The following CASS4 variants were observed in gnomAD, a reference collection of about 807,000 sequenced individuals.
The protein encoded by CASS4 is cas scaffolding protein family member 4.
A neutral mutation model predicts 54.2 loss-of-function variants in CASS4; 22 were observed. The observed-to-expected ratio is 0.41, with a 90% CI of 0.29 to 0.58. CASS4 has a LOEUF of 0.58. CASS4 is among the 20% of genes least tolerant of loss of function. The pLI is 0.36. For missense variants in CASS4, 854 were observed against 986.7 expected (o/e 0.87, Z 1.80); for synonymous variants, 409 against 391.5 (o/e 1.04, Z -0.53).
chr20:56,433,954 G>A (rs765303181), intron 1 of CASS4, among the ~76,000 whole-genome samples: 14 of 152,192 alleles, frequency 9.2e-5, no homozygotes, highest in African/African-American at 2.9e-4. Context: ...TTCCCTCAGC[G>A]GCATGAGGGC....
Position 56,437,083 on chromosome 20 carries a change from T to A in CASS4, c.37-81T>A, listed in dbSNP as rs187682754. 8.1e-7 allele frequency: 1 copy of A among 1,234,590 alleles called. No individual in the cohort carries two copies. Among genetic ancestry groups the A allele is most frequent in the East Asian group, 2.5e-5 (1 of 40,588 alleles). The allele number at this position is 1,234,590 out of a possible 1,614,324, so 76.5% of individuals were successfully genotyped here. A position where few individuals can be genotyped will look rare whatever the true frequency, so the allele number is the denominator to read the frequency against. ...AGGGCATGATGAATTTGTATGAAGC[T>A]TTCTAAGAGAGTGGGATTGGAGTAG... On this transcript the variant is annotated intron_variant, in intron 1 of 5. Coordinates refer to ENST00000679887, the MANE Select transcript of CASS4 (RefSeq NM_020356.4). This position sits in a 1 kb window ranked among gnomAD's most constrained non-coding sequence, Gnocchi z 4.7.
chr20:56,421,466 G>T (rs1979406646), intron 1 of CASS4, among the ~76,000 whole-genome samples: 2 of 152,222 alleles, frequency 1.3e-5, no homozygotes, highest in Non-Finnish European at 2.9e-5. Context: ...GGAGGCTGCA[G>T]TGGGAGGATC....
intron 4 of CASS4, 79 bp downstream of exon 4, chr20:56,450,758 G>T (rs967722569): frequency 2.2e-6 from 3 of 1,369,034 alleles, no homozygotes; most frequent in Non-Finnish European, 2.1e-6. Context: ...TTGGGGCCAG[G>T]CACGGTGGCT....
chr20:56,416,131 C>T (rs1400108835), intron 1 of CASS4, among the ~76,000 whole-genome samples: 1 of 152,174 alleles, frequency 6.6e-6, no homozygotes, highest in Non-Finnish European at 1.5e-5. Context: ...CTCACTGCAA[C>T]CTCCACCTCC....
Position 56,458,520 on chromosome 20 carries a change from G to A in CASS4, c.2134G>A (p.Val712Met), listed in dbSNP as rs1203581333. ...IITQSKLVIM[V>M]GQKLVDTLCM... ...CACTCAGAGCAAGCTGGTCATCATG[G>A]TGGGACAGAAGCTGGTGGACACGCT... Residue 712 changes from valine (V) to methionine (M), a missense_variant, in exon 6 of 6, where the codon GTG becomes ATG. Val to Met is a conservative substitution (Grantham distance 21). Transcript: ENST00000679887. 7 of 1,614,098 alleles carry A rather than the reference G, an allele frequency of 4.3e-6. No individual in the cohort carries two copies. The African/African-American group carries it at 8.0e-5, about 18-fold the overall frequency.
At chr20:56,431,231 T>C (rs1401282885) in intron 1 of CASS4, among the ~76,000 whole-genome samples, 2 of 152,228 alleles carry the variant, frequency 1.3e-5, no homozygotes, top group East Asian at 3.8e-4. Flanking sequence ...ATGACTTCAG[T>C]GCATCCAACA....
intron 3 of CASS4, 109 bp downstream of exon 3, chr20:56,446,110 C>T (rs1316887470): frequency 1.4e-6 from 1 of 703,484 alleles, no homozygotes; most frequent in Non-Finnish European, 2.4e-6. Context: ...CGGCCAGGGG[C>T]TCAGCCTCCA....
At chr20:56,416,239 G>A (rs925297444) in intron 1 of CASS4, among the ~76,000 whole-genome samples, 2 of 152,090 alleles carry the variant, frequency 1.3e-5, no homozygotes, top group Non-Finnish European at 2.9e-5. Context: ...TAGTAGAGAC[G>A]GGTTTTCACC....
chr20:56,452,687 C>T lies in CASS4; in HGVS notation c.1511C>T (p.Ala504Val). The T allele has an allele frequency of 6.2e-7, 1 of 1,614,138 alleles. No individual in the cohort carries two copies. The highest frequency in any genetic ancestry group is 8.5e-7 in the Non-Finnish European group (1 of 1,180,024). ...LDFARGVHGTACNLTDSNLQN... is the reference protein window; with the variant it reads ...LDFARGVHGTVCNLTDSNLQN... The stretch of plus-strand genomic sequence containing the variant: ...TTTGCCCGAGGAGTCCATGGGACTG[C>T]CTGTAACCTCACTGACAGTAACCTT... Residue 504 changes from alanine to valine, a missense_variant, in exon 5 of 6, where the codon GCC becomes GTC. Physicochemically the swap from Ala to Val is moderately conservative, Grantham distance 64 (BLOSUM62 0). Coordinates refer to ENST00000679887, the MANE Select transcript of CASS4 (RefSeq NM_020356.4).
At position 56,414,580 on chromosome 20, in the gene CASS4, A is replaced by G. The variant is rs572878016; in HGVS notation, c.36+2086A>G. On this transcript the variant is annotated intron_variant, in intron 1 of 5. Coordinates refer to ENST00000679887, the MANE Select transcript of CASS4 (RefSeq NM_020356.4). This position sits in a 1 kb window ranked among gnomAD's most constrained non-coding sequence, Gnocchi z 4.1. ...GTGCACACCACCGAGCCCCACTGCA[A>G]TTTGTAAATAACATGCATGTTTGCA... Among the ~76,000 whole-genome samples, 2 of 152,240 alleles carry G rather than the reference A, an allele frequency of 1.3e-5. No individual in the cohort carries two copies. The highest frequency in any genetic ancestry group is 3.9e-4 in the East Asian group (2 of 5,188).
In CASS4 at chr20:56,458,310, CCTAT is replaced by C. The variant is rs74932500; in HGVS notation, c.1954-25_1954-22del. The stretch of plus-strand genomic sequence containing the variant: ...CAGCCACAGCCCATTGATTGAATCT[CCTAT>C]CTATTTTCTTCCTTCCCTTCTTTAG... On this transcript the variant is annotated intron_variant, in intron 5 of 5. Transcript: ENST00000679887. 6.9e-4 allele frequency: 1,090 copies of C among 1,584,648 alleles called. 3 individuals carry two copies. The highest frequency in any genetic ancestry group is 3.9e-3 in the Middle Eastern group (23 of 5,958).
At chr20:56,441,098 C>G (rs1980434189) in intron 2 of CASS4, among the ~76,000 whole-genome samples, 1 of 151,112 alleles carries the variant, frequency 6.6e-6, no homozygotes, top group Non-Finnish European at 1.5e-5. Context: ...AAGAGATTCT[C>G]CTGCCTCAGC....
In CASS4 at chr20:56,437,095, T is replaced by G; in HGVS notation, c.37-69T>G. ...ATTTGTATGAAGCTTTCTAAGAGAG[T>G]GGGATTGGAGTAGCAGTCACTGGCC... On this transcript the variant is annotated intron_variant, in intron 1 of 5. Coordinates refer to ENST00000679887, the MANE Select transcript of CASS4 (RefSeq NM_020356.4). This position sits in a 1 kb window ranked among gnomAD's most constrained non-coding sequence, Gnocchi z 4.7. 1 of 1,301,142 alleles carries G rather than the reference T, an allele frequency of 7.7e-7. No individual in the cohort carries two copies. The highest frequency in any genetic ancestry group is 1.5e-5 in the South Asian group (1 of 67,798). 80.6% of individuals were successfully genotyped at this position (1,301,142 alleles called of 1,614,324 possible). A position where few individuals can be genotyped will look rare whatever the true frequency, so the allele number is the denominator to read the frequency against.
intron 1 of CASS4, among the ~76,000 whole-genome samples, chr20:56,416,528 CGTGTGTGTGTGT>C (rs3219626): frequency 2.7e-5 from 4 of 149,098 alleles, no homozygotes; most frequent in Non-Finnish European, 6.0e-5. Context: ...TGTTTACTTC[CGTGTGTGTGTGT>C]GTGTGTGTGT....
chr20:56,449,448 G>A (rs1220988421), intron 3 of CASS4, among the ~76,000 whole-genome samples: 2 of 151,952 alleles, frequency 1.3e-5, no homozygotes, highest in African/African-American at 4.8e-5. Context: ...ATCACACACC[G>A]GGGCCTGTCA....
In CASS4 at chr20:56,449,130, A is replaced by G. The variant is rs551165228; in HGVS notation, c.562-1469A>G. Among the ~76,000 whole-genome samples, 17 of 152,332 alleles carry G rather than the reference A, an allele frequency of 1.1e-4. No individual in the cohort carries two copies. In the East Asian group the frequency reaches 3.3e-3, roughly 29 times the overall value. On this transcript the variant is annotated intron_variant, in intron 3 of 5. Coordinates refer to ENST00000679887, the MANE Select transcript of CASS4 (RefSeq NM_020356.4). The stretch of plus-strand genomic sequence containing the variant: ...CTGAGTATATACCCAAAGGATTATA[A>G]ATCATGCTGCTATAAAGATACATGC...
intron 2 of CASS4, among the ~76,000 whole-genome samples, chr20:56,439,435 C>G (rs1195404914): frequency 6.6e-6 from 1 of 151,856 alleles, no homozygotes; most frequent in East Asian, 2.0e-4. Context: ...GTTTGGGAGG[C>G]CAAGGCAGGA....
chr20:56,412,515 T>C lies in CASS4; in HGVS notation c.36+21T>C. Reference sequence around the variant, plus strand: ...CCAAGGTGAGTGATGTGGGGCTGTTTGAATGGGCTCTGGCGGGGAGCAAGC... The same window carrying C: ...CCAAGGTGAGTGATGTGGGGCTGTTCGAATGGGCTCTGGCGGGGAGCAAGC... On this transcript the variant is annotated intron_variant, in intron 1 of 5. Transcript: ENST00000679887. This position sits in a 1 kb window ranked among gnomAD's most constrained non-coding sequence, Gnocchi z 4.2. 6.2e-7 allele frequency: 1 copy of C among 1,610,198 alleles called. No homozygotes were observed. The highest frequency in any genetic ancestry group is 8.5e-7 in the Non-Finnish European group (1 of 1,178,094).
At chr20:56,431,482 C>T (rs1470459564) in intron 1 of CASS4, among the ~76,000 whole-genome samples, 1 of 152,186 alleles carries the variant, frequency 6.6e-6, no homozygotes, top group Non-Finnish European at 1.5e-5. Context: ...GTTATGGCAA[C>T]ATATTTAGAG....
Sources: allele counts gnomAD v4.1 joint callset (sites outside exome capture counted in the v4.1 genomes callset), GRCh38; gene constraint gnomAD v4.1.1; non-coding constraint Gnocchi (gnomAD v3.1); transcripts MANE v1.5; gene names NCBI Gene and HGNC (gene_info 2026-07-23, HGNC 2026-07-21).